The following TOPORS variants were observed in gnomAD, a reference collection of about 807,000 sequenced individuals.
TOPORS encodes the protein TOP1 binding arginine/serine rich protein, E3 ubiquitin ligase, also known as E3 ubiquitin-protein ligase Topors.
Under a neutral mutation model 81.4 loss-of-function variants are expected in TOPORS, and 25 were observed. The ratio of observed to expected loss-of-function variants is 0.31; its 90% CI spans 0.22 to 0.43. TOPORS has a LOEUF of 0.43. TOPORS is among the 20% of genes least tolerant of loss of function. TOPORS has a pLI of 1.00. For missense variants in TOPORS, 1,101 were observed against 1,267.0 expected (o/e 0.87, Z 1.99); for synonymous variants, 473 against 456.6 (o/e 1.04, Z -0.46).
rs374383518 is a variant in TOPORS, at chr9:32,542,168, C to T, written c.2357G>A (p.Arg786Gln). The T allele has an allele frequency of 2.2e-5, 36 of 1,614,062 alleles. No homozygotes were observed. In the South Asian group the frequency reaches 3.3e-4, roughly 15 times the overall value. ...CCCTCCAGGCTTTTCATTTCTCACC[C>T]GGTCAGTCCCGGTAGATGCAGTCCT... ...RSRTASTGTD[R>Q]VRNEKPGGKR... The change falls in exon 3 of 3, where the codon CGG (arginine) becomes CAG (glutamine). Residue 786 changes from arginine to glutamine, a missense_variant. Physicochemically the swap from Arg to Gln is conservative, Grantham distance 43. Transcript: ENST00000360538.
chr9:32,541,248 A>C lies in TOPORS; in HGVS notation c.*139T>G, dbSNP rs78113455. ...ATAATGATTTTTACAAATTAACACC[A>C]AAAAAAAAATCATTTAAAATATTGT... On this transcript the variant is annotated 3_prime_UTR_variant, in exon 3 of 3. Transcript: ENST00000360538. The C allele has an allele frequency of 1.7e-6, 1 of 588,928 alleles. No homozygotes were observed. 36.5% of individuals were successfully genotyped at this position (588,928 alleles called of 1,614,324 possible). A position where few individuals can be genotyped will look rare whatever the true frequency, so the allele number is the denominator to read the frequency against.
chr9:32,552,443 A>C lies in TOPORS; in HGVS notation c.-7T>G, dbSNP rs1323190967. 5 of 1,607,740 alleles carry C rather than the reference A, an allele frequency of 3.1e-6. No individual in the cohort carries two copies. The South Asian group carries it at 4.5e-5, about 14-fold the overall frequency. On this transcript the variant is annotated 5_prime_UTR_variant, in exon 1 of 3. Transcript: ENST00000360538. ...GCTGCCGCCTCCTTACCATGAAGCC[A>C]GTAAGTCGTCGCACGCTGGACTGGA...
chr9:32,552,341 G>C lies in TOPORS; in HGVS notation c.3+93C>G, dbSNP rs112995883. 65 of 1,546,162 alleles carry C rather than the reference G, an allele frequency of 4.2e-5. 1 individual carries two copies. The African/African-American group carries it at 6.8e-4, about 16-fold the overall frequency. On this transcript the variant is annotated intron_variant, in intron 1 of 2. Transcript: ENST00000360538. ...GGCGGGCGCTCGTGCCCGGCTAAAAGATGGCTGCTGGCGCCTGGCAGCCAC... is the reference window on the plus strand; with the variant it reads ...GGCGGGCGCTCGTGCCCGGCTAAAACATGGCTGCTGGCGCCTGGCAGCCAC...
At position 32,540,925 on chromosome 9, in the gene TOPORS, C is replaced by T. The variant is rs1821046304; in HGVS notation, c.*462G>A. 1 of 153,266 alleles carries T rather than the reference C, an allele frequency of 6.5e-6. No individual in the cohort carries two copies. The allele number at this position is 153,266 out of a possible 1,614,324, so 9.5% of individuals were successfully genotyped here. A position where few individuals can be genotyped will look rare whatever the true frequency, so the allele number is the denominator to read the frequency against. Reference sequence around the variant, plus strand: ...GCAGATTAAAATGCCTCAATTTAACCTGAAGAAATGGTTTTGAATCATATA... The same window carrying T: ...GCAGATTAAAATGCCTCAATTTAACTTGAAGAAATGGTTTTGAATCATATA... On this transcript the variant is annotated 3_prime_UTR_variant, in exon 3 of 3. Transcript: ENST00000360538.
At chr9:32,545,808 G>T (rs1159080293) in intron 2 of TOPORS, among the ~76,000 whole-genome samples, 2 of 152,082 alleles carry the variant, frequency 1.3e-5, no homozygotes, top group African/African-American at 4.8e-5. Flanking sequence ...GTTTCCCAGG[G>T]CCTAATATTC....
chr9:32,543,833 A>G lies in TOPORS; in HGVS notation c.692T>C (p.Met231Thr), dbSNP rs777369788. 3.1e-6 allele frequency: 5 copies of G among 1,614,146 alleles called. No homozygotes were observed. The highest frequency in any genetic ancestry group is 4.2e-6 in the Non-Finnish European group (5 of 1,180,024). ...RPRDVEIPQF[M>T]RQIAVRRPTT... ...TGGCCTCCTTACTGCAATCTGTCTCATAAACTGAGGAATTTCAACATCTCT... is the reference window on the plus strand; with the variant it reads ...TGGCCTCCTTACTGCAATCTGTCTCGTAAACTGAGGAATTTCAACATCTCT... Residue 231 changes from methionine (M) to threonine (T), a missense_variant, in exon 3 of 3, where the codon ATG becomes ACG. Physicochemically the swap from Met to Thr is moderately conservative, Grantham distance 81. This residue lies in a region of TOPORS where 120 missense variants were observed against 115.4 expected (regional missense o/e 1.04). Transcript: ENST00000360538. The surrounding 1 kb of genome is among the most constrained non-coding windows in gnomAD (Gnocchi z 5.6).
chr9:32,544,476 T>C (rs917180045), intron 2 of TOPORS, 150 bp from the exon 3 acceptor site: 5 of 767,268 alleles, frequency 6.5e-6, no homozygotes, highest in Non-Finnish European at 1.0e-5. Flanking sequence ...AAAGGGGCAC[T>C]GTAGCATAGT....
Position 32,541,061 on chromosome 9 carries a change from T to A in TOPORS, c.*326A>T. On this transcript the variant is annotated 3_prime_UTR_variant, in exon 3 of 3. Transcript: ENST00000360538. Reference sequence around the variant, plus strand: ...ATTCAAAAATACTCATTGACTACCTTAAAAATATGTCAATACCGTATGGCT... The same window carrying A: ...ATTCAAAAATACTCATTGACTACCTAAAAAATATGTCAATACCGTATGGCT... 1 of 187,894 alleles carries A rather than the reference T, an allele frequency of 5.3e-6. No homozygotes were observed. The highest frequency in any genetic ancestry group is 1.1e-5 in the Non-Finnish European group (1 of 89,580). 11.6% of individuals were successfully genotyped at this position (187,894 alleles called of 1,614,324 possible).
Position 32,542,969 on chromosome 9 carries a change from T to C in TOPORS, c.1556A>G (p.Glu519Gly). The C allele has an allele frequency of 1.2e-6, 2 of 1,614,214 alleles. No homozygotes were observed. The highest frequency in any genetic ancestry group is 1.7e-6 in the Non-Finnish European group (2 of 1,180,034). The part of the protein sequence containing the change: ...KMETVKTQEQ[E>G]QSYSSGDSDV... ...GCTATCACCAGAACTGTAAGATTGCTCCTGTTCTTGTGTCTTCACTGTCTC... is the reference window on the plus strand; with the variant it reads ...GCTATCACCAGAACTGTAAGATTGCCCCTGTTCTTGTGTCTTCACTGTCTC... Residue 519 changes from glutamate to glycine, a missense_variant, in exon 3 of 3, where the codon GAG becomes GGG. Glu to Gly is a moderately conservative substitution (Grantham distance 98, BLOSUM62 -2). Around this residue, in one of 9 missense-constraint regions of TOPORS, gnomAD observed 605 missense variants for 636.1 expected, o/e 0.95. Coordinates refer to ENST00000360538, the MANE Select transcript of TOPORS (RefSeq NM_005802.5).
chr9:32,551,009 CA>C, intron 1 of TOPORS, 41 bp from the exon 2 acceptor site: 1 of 1,601,170 alleles, frequency 6.2e-7, no homozygotes, highest in South Asian at 1.1e-5. Context: ...AGCTCGGAAG[CA>C]GGGCAGAGAG....
chr9:32,547,898 C>G (rs1027854260), intron 2 of TOPORS, among the ~76,000 whole-genome samples: 5 of 151,528 alleles, frequency 3.3e-5, no homozygotes, highest in African/African-American at 4.9e-5. Flanking sequence ...GTGGCGCGAT[C>G]GTGGCTCACT....
Position 32,541,571 on chromosome 9 carries a change from A to G in TOPORS, c.2954T>C (p.Ile985Thr). 6.2e-7 allele frequency: 1 copy of G among 1,614,204 alleles called. No homozygotes were observed. The highest frequency in any genetic ancestry group is 1.1e-5 in the South Asian group (1 of 91,080). The change falls in exon 3 of 3, where the codon ATT becomes ACT. Residue 985 changes from isoleucine (I) to threonine (T), a missense_variant. Ile to Thr is a moderately conservative substitution (Grantham distance 89). Coordinates refer to ENST00000360538, the MANE Select transcript of TOPORS (RefSeq NM_005802.5). Reference protein sequence around the residue: ...LNNANKTVDNIPPLAASVEQT... With the variant: ...LNNANKTVDNTPPLAASVEQT... ...TTCAACTGAAGCTGCCAGAGGTGGAATATTATCTACAGTTTTGTTGGCATT... is the reference window on the plus strand; with the variant it reads ...TTCAACTGAAGCTGCCAGAGGTGGAGTATTATCTACAGTTTTGTTGGCATT...
intron 1 of TOPORS, 56 bp downstream of exon 1, chr9:32,552,378 T>C (rs1821305163): frequency 6.2e-7 from 1 of 1,601,842 alleles, no homozygotes; most frequent in East Asian, 2.3e-5. Flanking sequence ...GCCTGGGAGG[T>C]TACTGTAAGG....
In TOPORS at chr9:32,542,169, G is replaced by C. The variant is rs377039609; in HGVS notation, c.2356C>G (p.Arg786Gly). 1 of 1,614,112 alleles carries C rather than the reference G, an allele frequency of 6.2e-7. No homozygotes were observed. The highest frequency in any genetic ancestry group is 2.2e-5 in the East Asian group (1 of 44,876). Residue 786 changes from arginine to glycine, a missense_variant, in exon 3 of 3, where the codon CGG (arginine) becomes GGG (glycine). Arg to Gly is a moderately radical substitution (Grantham distance 125). Coordinates refer to ENST00000360538, the MANE Select transcript of TOPORS (RefSeq NM_005802.5). ...CCTCCAGGCTTTTCATTTCTCACCC[G>C]GTCAGTCCCGGTAGATGCAGTCCTT... ...RSRTASTGTDRVRNEKPGGKR... is the reference protein window; with the variant it reads ...RSRTASTGTDGVRNEKPGGKR...
At chr9:32,547,926 G>A (rs1821161490) in intron 2 of TOPORS, among the ~76,000 whole-genome samples, 1 of 151,582 alleles carries the variant, frequency 6.6e-6, no homozygotes, top group Non-Finnish European at 1.5e-5. Flanking sequence ...CCGCCTCCCG[G>A]GTTCACACCA....
rs756302162 is a variant in TOPORS at position 32,542,927 on chromosome 9, G to A, written c.1598C>T (p.Ser533Leu). 1.2e-6 allele frequency: 2 copies of A among 1,613,998 alleles called. No individual in the cohort carries two copies. Among genetic ancestry groups the A allele is most frequent in the Admixed American group, 1.7e-5 (1 of 59,986 alleles). The change falls in exon 3 of 3, where the codon TCA (serine) becomes TTA (leucine). Residue 533 changes from serine to leucine, a missense_variant. Physicochemically the swap from Ser to Leu is moderately radical, Grantham distance 145. Around this residue, in one of 9 missense-constraint regions of TOPORS, gnomAD observed 605 missense variants for 636.1 expected, o/e 0.95. Transcript: ENST00000360538. ...CTTTCCAAGGACAGAGTGTGGAGAT[G>A]AGCATCTACTAACATCGCTATCACC... ...SSGDSDVSRC[S>L]SPHSVLGKDE...
intron 2 of TOPORS, among the ~76,000 whole-genome samples, chr9:32,547,090 G>A (rs1485940483): frequency 6.6e-6 from 1 of 152,140 alleles, no homozygotes; most frequent in African/African-American, 2.4e-5. Context: ...TCAAAGAGGC[G>A]GGGCACGGTG....
At chr9:32,547,129 G>A (rs1400013377) in intron 2 of TOPORS, among the ~76,000 whole-genome samples, 1 of 152,220 alleles carries the variant, frequency 6.6e-6, no homozygotes, top group Non-Finnish European at 1.5e-5. Flanking sequence ...ATCACTTTGG[G>A]AAGCCAAGGC....
Position 32,543,196 on chromosome 9 carries a change from G to C in TOPORS, c.1329C>G (p.Asp443Glu). Residue 443 changes from aspartate to glutamate, a missense_variant, in exon 3 of 3, where the codon GAC (aspartate) becomes GAG (glutamate). Transcript: ENST00000360538. The surrounding 1 kb of genome is among the most constrained non-coding windows in gnomAD (Gnocchi z 5.6). Reference protein sequence around the residue: ...VTMSSLLNTSDSSDEELVTGG... With the variant: ...VTMSSLLNTSESSDEELVTGG... Reference sequence around the variant, plus strand: ...CTGTGACAAGTTCTTCATCTGAACTGTCAGAAGTATTTAAAAGAGAAGACA... The same window carrying C: ...CTGTGACAAGTTCTTCATCTGAACTCTCAGAAGTATTTAAAAGAGAAGACA... The C allele has an allele frequency of 3.7e-6, 6 of 1,613,770 alleles. No individual in the cohort carries two copies. Among genetic ancestry groups the C allele is most frequent in the Non-Finnish European group, 5.1e-6 (6 of 1,180,018 alleles).
Sources: allele counts gnomAD v4.1 joint callset (sites outside exome capture counted in the v4.1 genomes callset), GRCh38; gene constraint gnomAD v4.1.1; regional missense constraint gnomAD v4.1.1; non-coding constraint Gnocchi (gnomAD v3.1); transcripts MANE v1.5; gene names NCBI Gene and HGNC (gene_info 2026-07-23, HGNC 2026-07-21).